Variants in KIF18A observed in about 807,000 individuals in gnomAD.
KIF18A encodes kinesin family member 18A.
KIF18A carries 67 observed loss-of-function variants against 103.3 expected under a neutral mutation model. That is an observed-to-expected ratio of 0.65 (90% CI 0.53 to 0.79). The LOEUF (loss-of-function observed/expected upper bound fraction) is 0.79. Ranked by LOEUF, KIF18A falls within the 30% of genes least tolerant of loss-of-function variation. KIF18A has a pLI of 0.00. For missense variants in KIF18A, 1,032 were observed against 1,062.5 expected (o/e 0.97, Z 0.40); for synonymous variants, 367 against 355.5 (o/e 1.03, Z -0.36).
chr11:28,073,480 G>A (rs1304442496), intron 10 of KIF18A, among the ~76,000 whole-genome samples: 1 of 152,124 alleles, frequency 6.6e-6, no homozygotes, highest in Non-Finnish European at 1.5e-5. Context: ...GATTAAGAGT[G>A]CAGGCTCTGA....
intron 11 of KIF18A, 99 bp downstream of exon 11, chr11:28,069,160 T>C: frequency 1.1e-6 from 1 of 880,444 alleles, no homozygotes; most frequent in East Asian, 2.5e-5. Flanking sequence ...GAGGCAATAA[T>C]AGTTGTCTTA....
Position 28,082,973 on chromosome 11 carries a change from T to G in KIF18A, c.1150-5A>C. On this transcript the variant is annotated splice_polypyrimidine_tract_variant and splice_region_variant and intron_variant, in intron 8 of 16. Transcript: ENST00000263181. ...TTTTTCTTTTAACAATAAAATCTAG[T>G]AGAGAGAAATCACTAGTTAAAATAC... 6.5e-7 allele frequency: 1 copy of G among 1,538,476 alleles called. No homozygotes were observed. Among genetic ancestry groups the G allele is most frequent in the Non-Finnish European group, 8.9e-7 (1 of 1,129,170 alleles).
chr11:28,037,535 T>C (rs1161694118), intron 13 of KIF18A, among the ~76,000 whole-genome samples: 7 of 151,540 alleles, frequency 4.6e-5, no homozygotes, highest in South Asian at 2.1e-4. Context: ...TGAGTATCCA[T>C]GGATTTTGGT....
intron 5 of KIF18A, 62 bp downstream of exon 5, chr11:28,090,555 A>T: frequency 1.1e-6 from 1 of 936,738 alleles, no homozygotes; most frequent in Admixed American, 1.9e-5. Flanking sequence ...ATGATGATTC[A>T]TGAATTTAGC....
Position 28,062,414 on chromosome 11 carries a change from G to A in KIF18A, c.1693C>T (p.Gln565Ter). Reference protein sequence around the residue: ...MMDLACLQEQQHRQTEAVLNA... With the variant: ...MMDLACLQEQ ...ACTCACGCTTCAGTCTGCCTGTGTT[G>A]CTGTTCCTGAAGACAAGCTAGATCC... Residue 565 changes from glutamine (Q) to a stop codon, truncating the protein, a stop_gained, in exon 12 of 17, where the codon CAA becomes TAA. Coordinates refer to ENST00000263181, the MANE Select transcript of KIF18A (RefSeq NM_031217.4). LOFTEE classifies it high-confidence loss of function. 1 of 1,610,488 alleles carries A rather than the reference G, an allele frequency of 6.2e-7. No individual in the cohort carries two copies. The highest frequency in any genetic ancestry group is 8.5e-7 in the Non-Finnish European group (1 of 1,177,994).
intron 9 of KIF18A, among the ~76,000 whole-genome samples, chr11:28,080,590 TAATC>T (rs1024792798): frequency 9.9e-5 from 15 of 152,238 alleles, no homozygotes; most frequent in South Asian, 6.2e-4. Context: ...ACAGTAAACT[TAATC>T]AAGTGTTGTG....
Position 28,069,278 on chromosome 11 carries a change from T to G in KIF18A, c.1571A>C (p.Gln524Pro). 1 of 1,613,314 alleles carries G rather than the reference T, an allele frequency of 6.2e-7. No homozygotes were observed. Among genetic ancestry groups the G allele is most frequent in the South Asian group, 1.1e-5 (1 of 91,062 alleles). The part of the protein sequence containing the change: ...RVEKEMGLLS[Q>P]NGHIPKELKK... ...TTGTACCTTTGGAATATGACCGTTT[T>G]GACTTAAGAGTCCCATTTCTTTTTC... Residue 524 changes from glutamine to proline, a missense_variant, in exon 11 of 17, where the codon CAA (glutamine) becomes CCA (proline). Transcript: ENST00000263181.
intron 10 of KIF18A, among the ~76,000 whole-genome samples, chr11:28,070,699 T>C (rs1851001414): frequency 6.6e-6 from 1 of 152,008 alleles, no homozygotes; most frequent in African/African-American, 2.4e-5. Context: ...CAAAACAAAA[T>C]GTAACCCATC....
chr11:28,078,669 TG>T (rs1302926491), intron 9 of KIF18A, among the ~76,000 whole-genome samples: 5 of 152,140 alleles, frequency 3.3e-5, no homozygotes, highest in African/African-American at 1.2e-4. Context: ...TAGTCATAAG[TG>T]AAGTTTTATA....
At chr11:28,083,829 A>G (rs1851195576) in intron 7 of KIF18A, among the ~76,000 whole-genome samples, 1 of 152,024 alleles carries the variant, frequency 6.6e-6, no homozygotes. Flanking sequence ...CTTTCTGTAC[A>G]CCCATATAGT....
chr11:28,076,761 T>C (rs1345928549), intron 10 of KIF18A: 2 of 198,150 alleles, frequency 1.0e-5, no homozygotes, highest in Non-Finnish European at 2.0e-5. Context: ...TTGTGAAACA[T>C]CATCTCTACT....
At chr11:28,079,957 A>C (rs1212384681) in intron 9 of KIF18A, among the ~76,000 whole-genome samples, 1 of 152,110 alleles carries the variant, frequency 6.6e-6, no homozygotes, top group Non-Finnish European at 1.5e-5. Context: ...GCTTAGTAGA[A>C]ACCTCTCAAA....
At chr11:28,094,312 G>A (rs1283078534) in intron 3 of KIF18A, among the ~76,000 whole-genome samples, 1 of 152,016 alleles carries the variant, frequency 6.6e-6, no homozygotes, top group Admixed American at 6.6e-5. Context: ...AAAAAGTCCT[G>A]TTTTTACAAG....
intron 12 of KIF18A, 31 bp downstream of exon 12, chr11:28,062,364 A>G (rs754385924): frequency 8.3e-6 from 13 of 1,559,356 alleles, no homozygotes; most frequent in Non-Finnish European, 1.1e-5. Context: ...ATAGTGTTAA[A>G]ATTGGAAAAT....
chr11:28,098,418 A>T (rs566831070), intron 1 of KIF18A, among the ~76,000 whole-genome samples: 1 of 152,360 alleles, frequency 6.6e-6, no homozygotes, highest in Non-Finnish European at 1.5e-5. Flanking sequence ...GATCTCCCAG[A>T]ACCATATCAA....
chr11:28,083,912 T>A (rs549607705), intron 7 of KIF18A, among the ~76,000 whole-genome samples: 112 of 152,190 alleles, frequency 7.4e-4, no homozygotes, highest in African/African-American at 2.6e-3. Context: ...ATGCTCATCT[T>A]CAGACACTTA....
chr11:28,103,697 A>G (rs183366322), intron 1 of KIF18A, among the ~76,000 whole-genome samples: 1 of 152,202 alleles, frequency 6.6e-6, no homozygotes. Context: ...AAAAATGCTC[A>G]CAGACCCCAA....
intron 13 of KIF18A, among the ~76,000 whole-genome samples, chr11:28,040,474 G>C (rs1321076930): frequency 6.6e-6 from 1 of 151,632 alleles, no homozygotes; most frequent in Non-Finnish European, 1.5e-5. Flanking sequence ...AAGGAACTTG[G>C]AGGCAGATTA....
chr11:28,022,894 A>T (rs1318320383), intron 16 of KIF18A, among the ~76,000 whole-genome samples: 1 of 152,216 alleles, frequency 6.6e-6, no homozygotes, highest in Non-Finnish European at 1.5e-5. Flanking sequence ...AAGGGCATCG[A>T]CAGAAAAAAA....
Sources: gnomAD v4.1 joint callset for allele counts (sites outside exome capture counted in the v4.1 genomes callset) on GRCh38, gnomAD v4.1.1 for gene constraint, MANE v1.5 for transcripts, NCBI Gene and HGNC (gene_info 2026-07-23, HGNC 2026-07-21) for gene names.